The following HORMAD2 variants were observed in gnomAD, a reference collection of about 807,000 sequenced individuals.
HORMAD2 encodes HORMA domain-containing protein 2.
HORMAD2 carries 45 observed loss-of-function variants against 38.8 expected under a neutral mutation model. The ratio of observed to expected loss-of-function variants is 1.16; its 90% CI spans 0.91 to 1.49. The LOEUF is 1.49. Among genes scored for constraint, HORMAD2 ranks in the 40% most tolerant of loss-of-function variants. The probability of loss-of-function intolerance (pLI) is 0.00; values close to 1 mark genes in which losing one functional copy is unlikely to be tolerated. For synonymous variants in HORMAD2, 126 were observed against 122.8 expected, an observed-to-expected ratio of 1.03 and a Z score of -0.17; for missense variants, 338 against 367.0, an observed-to-expected ratio of 0.92 and a Z score of 0.65.
chr22:30,115,884 T>C (rs1388448586), intron 7 of HORMAD2, among the ~76,000 whole-genome samples: 2 of 151,998 alleles, frequency 1.3e-5, no homozygotes, highest in East Asian at 3.8e-4. Flanking sequence ...CTGAGATGAA[T>C]AACCAGAAGG....
At chr22:30,131,870 C>T (rs1428197039) in intron 10 of HORMAD2, among the ~76,000 whole-genome samples, 1 of 152,138 alleles carries the variant, frequency 6.6e-6, no homozygotes, top group Non-Finnish European at 1.5e-5. Flanking sequence ...TGTATTCTTT[C>T]CCTCCATGAA....
chr22:30,202,593 A>G, the HORMAD2 span, among the ~76,000 whole-genome samples: 1 of 152,094 alleles, frequency 6.6e-6, no homozygotes, highest in Admixed American at 6.5e-5. Context: ...CCTGCTTCCC[A>G]TTACAGCCTT....
the HORMAD2 span, among the ~76,000 whole-genome samples, chr22:30,202,638 C>T: frequency 2.0e-5 from 3 of 152,130 alleles, no homozygotes; most frequent in African/African-American, 7.2e-5. Flanking sequence ...AGTAACGAAG[C>T]TCAACAAACA....
intron 8 of HORMAD2, among the ~76,000 whole-genome samples, 180 bp from the exon 9 acceptor site, chr22:30,121,452 A>G (rs1922421604): frequency 6.6e-6 from 1 of 152,202 alleles, no homozygotes; most frequent in South Asian, 2.1e-4. Context: ...GCTACTTAAG[A>G]AATTCTTTGT....
At chr22:30,175,994 T>C in intron 10 of HORMAD2, 69 bp from the exon 11 acceptor site, 1 of 996,544 alleles carries the variant, frequency 1.0e-6, no homozygotes, top group South Asian at 1.3e-5. Context: ...GGTCTACCTG[T>C]CTTATATATG....
Position 30,098,974 on chromosome 22 carries a change from T to A in HORMAD2, c.174T>A (p.Tyr58Ter). The A allele has an allele frequency of 6.2e-7, 1 of 1,610,244 alleles. No homozygotes were observed. The highest frequency in any genetic ancestry group is 8.5e-7 in the Non-Finnish European group (1 of 1,178,342). ...YLRGLFPESS[Y>*]GERHLDDLSL... ...GGGGCCTGTTTCCAGAGAGCTCTTA[T>A]GGAGAACGCCATTTGGATGGTAAAG... The change falls in exon 3 of 11, where the codon TAT becomes TAA. Residue 58 changes from tyrosine (Y) to a stop codon, truncating the protein, a stop_gained. Transcript: ENST00000336726. LOFTEE classifies it high-confidence loss of function.
the HORMAD2 span, among the ~76,000 whole-genome samples, chr22:30,205,365 A>C: frequency 6.6e-6 from 1 of 152,144 alleles, no homozygotes; most frequent in South Asian, 2.1e-4. Flanking sequence ...CTCTCCCTGC[A>C]GTCAGGGAGC....
At chr22:30,121,466 T>C (rs1034380398) in intron 8 of HORMAD2, among the ~76,000 whole-genome samples, 166 bp from the exon 9 acceptor site, 2 of 152,210 alleles carry the variant, frequency 1.3e-5, no homozygotes, top group African/African-American at 4.8e-5. Flanking sequence ...TCTTTGTATA[T>C]ACATTGCAAA....
intron 10 of HORMAD2, among the ~76,000 whole-genome samples, chr22:30,125,909 A>C (rs1465603903): frequency 6.6e-6 from 1 of 152,160 alleles, no homozygotes; most frequent in Non-Finnish European, 1.5e-5. Flanking sequence ...TTTAAGGAAG[A>C]TCTCAGGTGC....
chr22:30,118,197 C>T (rs1922188136), intron 7 of HORMAD2, among the ~76,000 whole-genome samples: 1 of 152,152 alleles, frequency 6.6e-6, no homozygotes, highest in Admixed American at 6.5e-5. Flanking sequence ...GCCAACAAGG[C>T]CCCATAGTCT....
At chr22:30,175,366 T>A (rs369220850) in intron 10 of HORMAD2, among the ~76,000 whole-genome samples, 1 of 137,140 alleles carries the variant, frequency 7.3e-6, no homozygotes, top group African/African-American at 2.7e-5. Context: ...AGAAAAAACA[T>A]AGGACATGGA....
At chr22:30,180,687 A>G (rs1926659079), downstream of HORMAD2, among the ~76,000 whole-genome samples, 1 of 151,878 alleles carries the variant, frequency 6.6e-6, no homozygotes, top group Non-Finnish European at 1.5e-5. Context: ...TATAGTCACT[A>G]CTCATCGTGA....
chr22:30,104,552 C>A, intron 5 of HORMAD2, 115 bp downstream of exon 5: 1 of 734,468 alleles, frequency 1.4e-6, no homozygotes, highest in Non-Finnish European at 2.2e-6. Flanking sequence ...TCTACGTTTG[C>A]ATCCATAAAC....
chr22:30,161,317 T>C (rs181685513), intron 10 of HORMAD2, among the ~76,000 whole-genome samples: 78 of 152,352 alleles, frequency 5.1e-4, no homozygotes, highest in Admixed American at 3.1e-3. Context: ...AAAGCACTTA[T>C]AGAGGCTCAT....
intron 10 of HORMAD2, among the ~76,000 whole-genome samples, chr22:30,164,428 G>A (rs546789293): frequency 6.6e-6 from 1 of 152,170 alleles, no homozygotes; most frequent in South Asian, 2.1e-4. Context: ...AATGCACAAG[G>A]GTTCCAGTTT....
At chr22:30,108,193 G>A (rs1253589526) in intron 5 of HORMAD2, among the ~76,000 whole-genome samples, 1 of 152,092 alleles carries the variant, frequency 6.6e-6, no homozygotes, top group African/African-American at 2.4e-5. Flanking sequence ...TAGCTATCTA[G>A]CTTGTTTCCT....
At chr22:30,174,092 T>C (rs1335025632) in intron 10 of HORMAD2, among the ~76,000 whole-genome samples, 1 of 152,212 alleles carries the variant, frequency 6.6e-6, no homozygotes, top group Non-Finnish European at 1.5e-5. Flanking sequence ...CTCCTGAGGC[T>C]CTATTGGTAA....
intron 10 of HORMAD2, among the ~76,000 whole-genome samples, chr22:30,172,620 G>A (rs887816947): frequency 6.6e-6 from 1 of 152,196 alleles, no homozygotes; most frequent in Non-Finnish European, 1.5e-5. Flanking sequence ...GGGCACAGTG[G>A]CTCATGCCTG....
intron 10 of HORMAD2, 116 bp from the exon 11 acceptor site, chr22:30,175,947 G>A (rs1175933932): frequency 1.5e-6 from 1 of 666,514 alleles, no homozygotes; most frequent in Non-Finnish European, 2.6e-6. Context: ...AGGAAAGCAG[G>A]TTTGGATCCG....
Sources: gnomAD v4.1 joint callset for allele counts (sites outside exome capture counted in the v4.1 genomes callset) on GRCh38, gnomAD v4.1.1 for gene constraint, MANE v1.5 for transcripts, NCBI Gene and HGNC (gene_info 2026-07-23, HGNC 2026-07-21) for gene names.